BRINP2: variants seen among roughly 807,000 people sequenced by gnomAD.
The protein encoded by BRINP2 is BMP/retinoic acid-inducible neural-specific protein 2.
BRINP2 carries 21 observed loss-of-function variants against 69.2 expected under a neutral mutation model. The observed-to-expected ratio is 0.30, with a 90% CI of 0.22 to 0.44. The LOEUF (loss-of-function observed/expected upper bound fraction) is 0.44, where lower values mean the gene tolerates loss of function less well. Ranked by LOEUF, BRINP2 falls within the 20% of genes least tolerant of loss-of-function variation. The probability of loss-of-function intolerance (pLI) is 1.00; values close to 1 mark genes in which losing one functional copy is unlikely to be tolerated. For synonymous variants in BRINP2, 380 were observed against 394.1 expected, an observed-to-expected ratio of 0.96 and a Z score of 0.42; for missense variants, 877 against 986.0, an observed-to-expected ratio of 0.89 and a Z score of 1.48.
At chr1:177,205,217 C>T (rs1018881306) in intron 1 of BRINP2, among the ~76,000 whole-genome samples, 1 of 152,100 alleles carries the variant, frequency 6.6e-6, no homozygotes, top group African/African-American at 2.4e-5. Context: ...GATCTCGGCT[C>T]ACAATCTCCA....
rs751886595 is a variant in BRINP2 at position 177,281,075 on chromosome 1, T to C, written c.1899T>C (p.Asn633=). ...QCQNWTITLG[N]RWKTFFETVH... is the part of the protein sequence containing the mutation. Reference sequence around the variant, plus strand: ...AAAACTGGACTATCACCTTGGGGAATAGGTGGAAGACTTTCTTTGAGACAG... The same window carrying C: ...AAAACTGGACTATCACCTTGGGGAACAGGTGGAAGACTTTCTTTGAGACAG... Residue 633 remains asparagine, a synonymous_variant, in exon 8 of 8, where the codon AAT becomes AAC. Transcript: ENST00000361539. 14 of 1,614,064 alleles carry C rather than the reference T, an allele frequency of 8.7e-6. No homozygotes were observed. The highest frequency in any genetic ancestry group is 5.9e-6 in the Non-Finnish European group (7 of 1,180,050).
chr1:177,236,801 A>T (rs1478767459), intron 2 of BRINP2, among the ~76,000 whole-genome samples: 1 of 152,052 alleles, frequency 6.6e-6, no homozygotes, highest in Non-Finnish European at 1.5e-5. Context: ...CATGTCAAGA[A>T]GTGCATGGTG....
chr1:177,246,309 T>C (rs561566816), intron 2 of BRINP2, among the ~76,000 whole-genome samples: 9 of 152,340 alleles, frequency 5.9e-5, no homozygotes, highest in African/African-American at 1.4e-4. Flanking sequence ...CAGAAAATCA[T>C]TGGTAGTGTG....
At position 177,170,996 on chromosome 1, in the gene BRINP2, G is replaced by C. The variant is rs899680489; in HGVS notation, c.-813G>C. On this transcript the variant is annotated 5_prime_UTR_variant, in exon 1 of 8. Coordinates refer to ENST00000361539, the MANE Select transcript of BRINP2 (RefSeq NM_021165.4). ...ACACTGCTTAGGTACGGAGCGCGGA[G>C]TCGGAGCGGGGACGCGCCGGGCTGC... is the stretch of plus-strand genomic sequence containing the variant. Among the ~76,000 whole-genome samples the C allele has an allele frequency of 7.9e-5, 12 of 152,268 alleles. No homozygotes were observed. Among genetic ancestry groups the C allele is most frequent in the African/African-American group, 2.9e-4 (12 of 41,484 alleles).
At chr1:177,248,494 C>CGTGT (rs142068160) in intron 2 of BRINP2, among the ~76,000 whole-genome samples, 1 of 136,156 alleles carries the variant, frequency 7.3e-6, no homozygotes, top group Admixed American at 7.4e-5. Context: ...TGTGTGCGTG[C>CGTGT]GTGTGTGTGT....
At position 177,219,044 on chromosome 1, in the gene BRINP2, G is replaced by A. The variant is rs76267710; in HGVS notation, c.-76-10757G>A. Reference sequence around the variant, plus strand: ...CAATCTAAAGGAAGGAGAGTTATTTGGCTTAATAACTGAAGAGAGAGCTTG... The same window carrying A: ...CAATCTAAAGGAAGGAGAGTTATTTAGCTTAATAACTGAAGAGAGAGCTTG... On this transcript the variant is annotated intron_variant, in intron 1 of 7. Coordinates refer to ENST00000361539, the MANE Select transcript of BRINP2 (RefSeq NM_021165.4). 5.5e-3 allele frequency among the ~76,000 whole-genome samples: 845 copies of A among 152,270 alleles called. 34 individuals are homozygous for A. The East Asian group carries it at 0.098, about 18-fold the overall frequency.
chr1:177,219,206 A>C (rs1649456639), intron 1 of BRINP2, among the ~76,000 whole-genome samples: 1 of 152,122 alleles, frequency 6.6e-6, no homozygotes, highest in South Asian at 2.1e-4. Context: ...TACTTGTGGA[A>C]CTTCCAAGCT....
chr1:177,205,172 T>A (rs541217265), intron 1 of BRINP2, among the ~76,000 whole-genome samples: 2 of 152,302 alleles, frequency 1.3e-5, no homozygotes, highest in Non-Finnish European at 2.9e-5. Flanking sequence ...AGATGGAGTT[T>A]CACTCTTGTC....
intron 2 of BRINP2, among the ~76,000 whole-genome samples, chr1:177,255,703 T>C (rs1650732969): frequency 6.6e-6 from 1 of 152,154 alleles, no homozygotes; most frequent in Non-Finnish European, 1.5e-5. Flanking sequence ...CTGATGTAGA[T>C]CAGTGGAGAC....
intron 1 of BRINP2, among the ~76,000 whole-genome samples, chr1:177,215,753 G>A (rs1196070548): frequency 2.0e-5 from 3 of 152,038 alleles, no homozygotes; most frequent in Admixed American, 6.6e-5. Context: ...GCAAGAGTGG[G>A]CATCCTTGAC....
chr1:177,256,236 G>A, intron 3 of BRINP2, 127 bp downstream of exon 3: 1 of 1,416,566 alleles, frequency 7.1e-7, no homozygotes. Context: ...AAGTCTTTCT[G>A]GTGCATTTGA....
At chr1:177,183,380 A>G (rs777041328) in intron 1 of BRINP2, among the ~76,000 whole-genome samples, 5 of 152,210 alleles carry the variant, frequency 3.3e-5, no homozygotes, top group African/African-American at 7.2e-5. Flanking sequence ...CACATGCCAT[A>G]TGCATATAGA....
rs538892193 is a variant in BRINP2, at chr1:177,172,527, C to T, written c.-77+795C>T. Among the ~76,000 whole-genome samples, 15 of 152,246 alleles carry T rather than the reference C, an allele frequency of 9.9e-5. No homozygotes were observed. The South Asian group carries it at 3.1e-3, about 32-fold the overall frequency. On this transcript the variant is annotated intron_variant, in intron 1 of 7. Transcript: ENST00000361539. ...CAGAAGAACCAAGCATGTCCAGCAC[C>T]CTGTCCAAATCACGGATGCCTGGAG...
chr1:177,246,598 G>T (rs1238838770), intron 2 of BRINP2, among the ~76,000 whole-genome samples: 4 of 152,192 alleles, frequency 2.6e-5, no homozygotes, highest in African/African-American at 4.8e-5. Context: ...GTTGGAGGGG[G>T]TGCCCCCAAA....
chr1:177,214,229 C>A (rs1388131299), intron 1 of BRINP2, among the ~76,000 whole-genome samples: 2 of 151,946 alleles, frequency 1.3e-5, no homozygotes, highest in African/African-American at 2.4e-5. Flanking sequence ...GTTAGGAGTT[C>A]GAGACCAGCC....
At chr1:177,215,686 A>G (rs957769028) in intron 1 of BRINP2, among the ~76,000 whole-genome samples, 1 of 152,088 alleles carries the variant, frequency 6.6e-6, no homozygotes, top group African/African-American at 2.4e-5. Context: ...CCTTTTACAT[A>G]TTTCTCTTCC....
At chr1:177,215,967 T>A (rs919373415) in intron 1 of BRINP2, among the ~76,000 whole-genome samples, 1 of 152,108 alleles carries the variant, frequency 6.6e-6, no homozygotes, top group Non-Finnish European at 1.5e-5. Context: ...GCAAAGAATA[T>A]CTTTTTTTTA....
chr1:177,217,346 AT>A (rs1367680096), intron 1 of BRINP2, among the ~76,000 whole-genome samples: 2 of 152,050 alleles, frequency 1.3e-5, no homozygotes, highest in Non-Finnish European at 2.9e-5. Context: ...AAAAATCTCC[AT>A]TTAAAAAAAA....
chr1:177,215,134 A>C (rs1649338001), intron 1 of BRINP2, among the ~76,000 whole-genome samples: 1 of 152,164 alleles, frequency 6.6e-6, no homozygotes, highest in Admixed American at 6.5e-5. Flanking sequence ...TAGATTCCAT[A>C]GTTAGTTGAG....
Sources: gnomAD v4.1 joint callset for allele counts (sites outside exome capture counted in the v4.1 genomes callset) on GRCh38, gnomAD v4.1.1 for gene constraint, MANE v1.5 for transcripts, NCBI Gene and HGNC (gene_info 2026-07-23, HGNC 2026-07-21) for gene names.